TPST2: variants seen among roughly 807,000 people sequenced by gnomAD.
TPST2 encodes the protein tyrosylprotein sulfotransferase 2.
TPST2 carries 16 observed loss-of-function variants against 27.8 expected under a neutral mutation model. The ratio of observed to expected loss-of-function variants is 0.58; its 90% CI spans 0.39 to 0.88. The LOEUF is 0.88. TPST2 is among the 40% of genes least tolerant of loss of function. The pLI, the probability that TPST2 is intolerant of heterozygous loss-of-function variation, is 0.00. For synonymous variants in TPST2, 229 were observed against 231.7 expected, an observed-to-expected ratio of 0.99 and a Z score of 0.10; for missense variants, 464 against 543.1, an observed-to-expected ratio of 0.85 and a Z score of 1.45.
intron 1 of TPST2, among the ~76,000 whole-genome samples, chr22:26,550,041 A>AAAC (rs1397765244): frequency 2.5e-4 from 31 of 126,286 alleles, no homozygotes; most frequent in Non-Finnish European, 4.5e-4. Context: ...CTCCATCTCA[A>AAAC]AAAAAAAAAC....
At chr22:26,550,737 C>G in intron 1 of TPST2, 4 of 804,944 alleles carry the variant, frequency 5.0e-6, no homozygotes, top group Non-Finnish European at 6.0e-6. Context: ...ACACCAACTC[C>G]CACCCACCAC....
At chr22:26,537,436 A>G (rs1240525841) in intron 3 of TPST2, among the ~76,000 whole-genome samples, 2 of 152,194 alleles carry the variant, frequency 1.3e-5, no homozygotes, top group Non-Finnish European at 2.9e-5. Flanking sequence ...AAGTGCTTAG[A>G]AGAGCGTAGG....
At chr22:26,559,944 G>A (rs563113105) in intron 1 of TPST2, among the ~76,000 whole-genome samples, 29 of 152,070 alleles carry the variant, frequency 1.9e-4, no homozygotes, top group Non-Finnish European at 3.4e-4. Context: ...GTGACAGACC[G>A]GGTATAGAAG....
At chr22:26,538,592 C>T (rs181224022) in intron 3 of TPST2, among the ~76,000 whole-genome samples, 23 of 152,332 alleles carry the variant, frequency 1.5e-4, no homozygotes, top group Middle Eastern at 3.4e-3. Flanking sequence ...GAGGCTGAGG[C>T]GGGCAGATCA....
chr22:26,566,002 G>A (rs1451291884), intron 1 of TPST2, among the ~76,000 whole-genome samples: 1 of 152,182 alleles, frequency 6.6e-6, no homozygotes, highest in Non-Finnish European at 1.5e-5. Flanking sequence ...ATGGGAATGA[G>A]TATCTGTTCT....
intron 1 of TPST2, among the ~76,000 whole-genome samples, chr22:26,548,289 C>A (rs1926235587): frequency 7.5e-6 from 1 of 133,166 alleles, no homozygotes; most frequent in Non-Finnish European, 1.5e-5. Context: ...CCAGCCTGGG[C>A]TGTTAATACA....
chr22:26,583,790 A>G (rs922878553), intron 1 of TPST2, among the ~76,000 whole-genome samples: 5 of 152,220 alleles, frequency 3.3e-5, no homozygotes, highest in Non-Finnish European at 7.3e-5. Context: ...CAAGGAACCA[A>G]GATCATGCCA....
At chr22:26,566,412 G>A (rs1364144573) in intron 1 of TPST2, among the ~76,000 whole-genome samples, 4 of 152,034 alleles carry the variant, frequency 2.6e-5, no homozygotes, top group African/African-American at 4.8e-5. Flanking sequence ...TCAGCCAGGC[G>A]TAGTGACACG....
chr22:26,562,524 G>A (rs1049499457), intron 1 of TPST2, among the ~76,000 whole-genome samples: 1 of 152,134 alleles, frequency 6.6e-6, no homozygotes, highest in African/African-American at 2.4e-5. Context: ...TCTCTTTGGA[G>A]TAAAAGATCC....
intron 1 of TPST2, among the ~76,000 whole-genome samples, chr22:26,563,892 C>A (rs949427870): frequency 1.3e-5 from 2 of 152,172 alleles, no homozygotes; most frequent in African/African-American, 4.8e-5. Flanking sequence ...AGACCCCAGG[C>A]GTTTCCATGC....
At chr22:26,570,041 A>C (rs113904318) in intron 1 of TPST2, among the ~76,000 whole-genome samples, 26,586 of 102,962 alleles carry the variant, frequency 0.26, 3,796 homozygotes, top group East Asian at 0.46. Context: ...GAAAGAAAGA[A>C]AGACAGAAAG....
chr22:26,559,825 A>G (rs561030588), intron 1 of TPST2, among the ~76,000 whole-genome samples: 2 of 152,300 alleles, frequency 1.3e-5, no homozygotes, highest in East Asian at 1.9e-4. Context: ...ACTTAACAGC[A>G]TGGTTCTATT....
intron 1 of TPST2, among the ~76,000 whole-genome samples, chr22:26,579,290 A>G (rs558287549): frequency 2.1e-4 from 32 of 152,356 alleles, no homozygotes; most frequent in Non-Finnish European, 3.1e-4. Flanking sequence ...CACCTACTGC[A>G]TGCAGCTTCC....
chr22:26,530,754 A>G (rs576881610), intron 5 of TPST2, among the ~76,000 whole-genome samples: 1 of 152,258 alleles, frequency 6.6e-6, no homozygotes, highest in African/African-American at 2.4e-5. Flanking sequence ...TCACGCCTGT[A>G]ATCCCAGCAT....
At chr22:26,577,110 A>G (rs538443285) in intron 1 of TPST2, among the ~76,000 whole-genome samples, 29 of 151,118 alleles carry the variant, frequency 1.9e-4, no homozygotes, top group Admixed American at 1.3e-3. Context: ...AAAAAAAAAA[A>G]AAAGAAAATT....
intron 1 of TPST2, among the ~76,000 whole-genome samples, chr22:26,555,942 C>T (rs1926771959): frequency 6.6e-6 from 1 of 152,236 alleles, no homozygotes; most frequent in Admixed American, 6.5e-5. Flanking sequence ...AGCATGAGGA[C>T]TCAAACCCAG....
At chr22:26,555,819 C>T (rs1926764217) in intron 1 of TPST2, among the ~76,000 whole-genome samples, 1 of 152,230 alleles carries the variant, frequency 6.6e-6, no homozygotes, top group Non-Finnish European at 1.5e-5. Context: ...GCAGGCCTCC[C>T]ACGGCAACCC....
chr22:26,573,686 A>G (rs1044190758), intron 1 of TPST2, among the ~76,000 whole-genome samples: 1 of 151,914 alleles, frequency 6.6e-6, no homozygotes, highest in Admixed American at 6.6e-5. Context: ...GATGGCCTCA[A>G]CCTTTTTTTT....
At chr22:26,583,107 A>T (rs375492705) in intron 1 of TPST2, among the ~76,000 whole-genome samples, 1 of 146,536 alleles carries the variant, frequency 6.8e-6, no homozygotes, top group South Asian at 2.3e-4. Flanking sequence ...GCGAGACTCC[A>T]TCTCAAAAAG....
Sources: gnomAD v4.1 joint callset for allele counts (sites outside exome capture counted in the v4.1 genomes callset) on GRCh38, gnomAD v4.1.1 for gene constraint, MANE v1.5 for transcripts, NCBI Gene and HGNC (gene_info 2026-07-23, HGNC 2026-07-21) for gene names.